KIFC2: variants seen among roughly 807,000 people sequenced by gnomAD.
The protein encoded by KIFC2 is kinesin-like protein KIFC2.
KIFC2 carries 94 observed loss-of-function variants against 91.5 expected under a neutral mutation model. The observed-to-expected ratio is 1.03, with a 90% confidence interval of 0.87 to 1.22. KIFC2 has a LOEUF of 1.22. Ranked by LOEUF, KIFC2 falls within the 50% of genes most tolerant of loss-of-function variation. KIFC2 has a pLI of 0.00. For missense variants in KIFC2, 1,357 were observed against 1,103.3 expected (o/e 1.23, Z -3.26); for synonymous variants, 729 against 503.9 (o/e 1.45, Z -5.98).
In KIFC2 at chr8:144,467,015, G is replaced by A. The variant is rs946217596; in HGVS notation, c.235G>A (p.Val79Met). Residue 79 changes from valine to methionine, a missense_variant, in exon 3 of 18, where the codon GTG (valine) becomes ATG (methionine). By Grantham distance (21) the Val-to-Met change is conservative. Transcript: ENST00000645548. ...EGAAEGRAAAVSLEEALLRLA... is the reference protein window; with the variant it reads ...EGAAEGRAAAMSLEEALLRLA... The stretch of plus-strand genomic sequence containing the variant: ...CGCAGCCGAGGGCCGCGCGGCCGCG[G>A]TGTCCCTGGAAGAGGCCCTACTGCG... The A allele has an allele frequency of 1.9e-6, 3 of 1,597,006 alleles. No individual in the cohort carries two copies. The highest frequency in any genetic ancestry group is 1.7e-5 in the Admixed American group (1 of 58,648).
chr8:144,473,406 T>C lies in KIFC2; in HGVS notation c.*17T>C. On this transcript the variant is annotated 3_prime_UTR_variant, in exon 18 of 18. Coordinates refer to ENST00000645548, the MANE Select transcript of KIFC2 (RefSeq NM_001369769.2). ...CCCCTCTAGTCCTGGGTCGCGGCCC[T>C]GCCCATGGGGTCTCAGGCCAGGTCT... 1.3e-6 allele frequency: 2 copies of C among 1,570,630 alleles called. No homozygotes were observed.
intron 8 of KIFC2, 30 bp downstream of exon 8, chr8:144,468,436 CA>C (rs1564747773): frequency 6.5e-7 from 1 of 1,530,312 alleles, no homozygotes; most frequent in Admixed American, 1.8e-5. Flanking sequence ...ATCCATGGCT[CA>C]GGGGTGAGGC....
Position 144,472,802 on chromosome 8 carries a change from G to C in KIFC2, c.1869G>C (p.Leu623=). The C allele has an allele frequency of 6.3e-7, 1 of 1,589,092 alleles. No homozygotes were observed. The highest frequency in any genetic ancestry group is 2.3e-5 in the East Asian group (1 of 44,004). ...GCTCGCTCGCCCCTCTAGGCACGCT[G>C]CACCTGGTGGACCTGGCGGGATCCG... is the stretch of plus-strand genomic sequence containing the variant. ...PPRAPGTAGT[L]HLVDLAGSER... Residue 623 remains leucine (L), a synonymous_variant, in exon 17 of 18, where the codon CTG becomes CTC. Transcript: ENST00000645548.
At chr8:144,470,998 C>T (rs889929811) in intron 12 of KIFC2, among the ~76,000 whole-genome samples, 2 of 151,978 alleles carry the variant, frequency 1.3e-5, no homozygotes, top group Admixed American at 6.6e-5. Context: ...GAATCCCACT[C>T]TGTTGCCCAG....
Position 144,474,047 on chromosome 8 carries a change from A to G in KIFC2, c.*658A>G. 1.7e-6 allele frequency: 1 copy of G among 590,490 alleles called. No individual in the cohort carries two copies. Among genetic ancestry groups the G allele is most frequent in the South Asian group, 2.2e-5 (1 of 46,030 alleles). 36.6% of individuals were successfully genotyped at this position (590,490 alleles called of 1,614,324 possible). A position where few individuals can be genotyped will look rare whatever the true frequency, so the allele number is the denominator to read the frequency against. Reference sequence around the variant, plus strand: ...GTAGGAAAAACAGGCATGACAGACCAGGGTGAGGGTTGTGCCCAGCTGGGC... The same window carrying G: ...GTAGGAAAAACAGGCATGACAGACCGGGGTGAGGGTTGTGCCCAGCTGGGC... On this transcript the variant is annotated 3_prime_UTR_variant, in exon 18 of 18. Coordinates refer to ENST00000645548, the MANE Select transcript of KIFC2 (RefSeq NM_001369769.2).
At position 144,466,851 on chromosome 8, in the gene KIFC2, T is replaced by A. The variant is rs1265436762; in HGVS notation, c.178+13T>A. ...ACCGGCCTGGCCGGTAGGTGCGGGC[T>A]GGGAGTCCCGCGGTGCGAGGGCGGT... On this transcript the variant is annotated intron_variant, in intron 2 of 17. Coordinates refer to ENST00000645548, the MANE Select transcript of KIFC2 (RefSeq NM_001369769.2). 2.0e-6 allele frequency: 3 copies of A among 1,537,014 alleles called. No homozygotes were observed. Among genetic ancestry groups the A allele is most frequent in the Non-Finnish European group, 2.6e-6 (3 of 1,148,122 alleles).
At chr8:144,469,221 C>G (rs749065695) in intron 10 of KIFC2, 50 bp from the exon 11 acceptor site, 1 of 1,469,882 alleles carries the variant, frequency 6.8e-7, no homozygotes, top group East Asian at 2.4e-5. Context: ...CCCCCACCTC[C>G]GCAGCTCCTT....
At chr8:144,471,837 T>G (rs2130013682) in intron 12 of KIFC2, 105 bp from the exon 13 acceptor site, 2 of 944,884 alleles carry the variant, frequency 2.1e-6, no homozygotes, top group African/African-American at 3.2e-5. Flanking sequence ...CCCAGGAGAC[T>G]AGGCTCTGCT....
chr8:144,471,792 A>T (rs1824935705), intron 12 of KIFC2, 150 bp from the exon 13 acceptor site: 3 of 677,696 alleles, frequency 4.4e-6, no homozygotes. Flanking sequence ...TCTCTGTAGG[A>T]CACACCCTCC....
Position 144,467,606 on chromosome 8 carries a change from G to T in KIFC2, c.591G>T (p.Arg197=). 1.9e-6 allele frequency: 3 copies of T among 1,596,928 alleles called. No homozygotes were observed. Among genetic ancestry groups the T allele is most frequent in the Non-Finnish European group, 1.7e-6 (2 of 1,171,126 alleles). ...QLEEDQRAWQ[R]LEQLILGQLE... is the part of the protein sequence containing the mutation. ...AGGAGGATCAGAGGGCGTGGCAGCG[G>T]CTGGAGCAGCTCATCCTGGGACAGG... Residue 197 remains arginine (R), a synonymous_variant, in exon 5 of 18, where the codon CGG becomes CGT. Coordinates refer to ENST00000645548, the MANE Select transcript of KIFC2 (RefSeq NM_001369769.2).
rs544338843 is a variant in KIFC2, at chr8:144,470,993, C to T, written c.1381-949C>T. Among the ~76,000 whole-genome samples the T allele has an allele frequency of 6.2e-4, 95 of 152,010 alleles. 1 individual carries two copies. Among genetic ancestry groups the T allele is most frequent in the Non-Finnish European group, 1.2e-4 (8 of 67,984 alleles). ...TTTTCTTTATTTTTGAGATGGAATC[C>T]CACTCTGTTGCCCAGGCTGTAGTGC... On this transcript the variant is annotated intron_variant, in intron 12 of 17. Transcript: ENST00000645548.
intron 11 of KIFC2, 41 bp downstream of exon 11, chr8:144,469,420 C>A (rs749393617): frequency 1.9e-6 from 3 of 1,612,188 alleles, no homozygotes; most frequent in Admixed American, 3.3e-5. Flanking sequence ...GGGAGGGCGG[C>A]TGGAAGAAGT....
At chr8:144,470,397 C>T (rs986122947) in intron 12 of KIFC2, among the ~76,000 whole-genome samples, 2 of 152,290 alleles carry the variant, frequency 1.3e-5, no homozygotes, top group South Asian at 2.1e-4. Context: ...ACAGGGTCCT[C>T]TCAGTCAATG....
intron 7 of KIFC2, 164 bp downstream of exon 7, chr8:144,468,151 C>G (rs981492262): frequency 6.5e-6 from 7 of 1,085,154 alleles, no homozygotes; most frequent in Non-Finnish European, 9.1e-6. Context: ...TCTCCGTGGC[C>G]CCTCTGAGTG....
Position 144,469,569 on chromosome 8 carries a change from C to A in KIFC2, c.1302C>A (p.Thr434=). 1 of 1,613,500 alleles carries A rather than the reference C, an allele frequency of 6.2e-7. No individual in the cohort carries two copies. Among genetic ancestry groups the A allele is most frequent in the Non-Finnish European group, 8.5e-7 (1 of 1,179,900 alleles). ...GTGTGGAGCCTGGCCCAGGGGGCAC[C>A]GTCACCACCTGCTACCGGGGGCGCC... ...LVSVEPGPGG[T]VTTCYRGRHR... Residue 434 remains threonine, a synonymous_variant, in exon 12 of 18, where the codon ACC becomes ACA. Coordinates refer to ENST00000645548, the MANE Select transcript of KIFC2 (RefSeq NM_001369769.2).
intron 7 of KIFC2, 147 bp from the exon 8 acceptor site, chr8:144,468,181 AG>A: frequency 2.0e-6 from 2 of 1,022,886 alleles, no homozygotes; most frequent in Non-Finnish European, 1.4e-6. Context: ...AGGAGAGCAG[AG>A]GGACTGTGGG....
At position 144,472,187 on chromosome 8, in the gene KIFC2, TC is replaced by T. The variant is rs1824953700; in HGVS notation, c.1537del (p.Arg513GlyfsTer11). On this transcript the variant is annotated frameshift_variant, in exon 14 of 18. Transcript: ENST00000645548. LOFTEE classifies it high-confidence loss of function. ...GTTCCTAGGGCGCTGCAGTCGCTGT[TC>T]CGGGAGATGGGGGCCGGCCGGCAGC... ...GIVPRALQSL[F>X]REMGAGRQHR... 6.2e-7 allele frequency: 1 copy of T among 1,613,100 alleles called. No individual in the cohort carries two copies. The highest frequency in any genetic ancestry group is 1.7e-5 in the Admixed American group (1 of 60,002).
intron 10 of KIFC2, among the ~76,000 whole-genome samples, 168 bp downstream of exon 10, chr8:144,469,002 C>G (rs549606658): frequency 2.2e-4 from 33 of 152,166 alleles, no homozygotes; most frequent in Non-Finnish European, 4.6e-4. Flanking sequence ...TATTTTAATT[C>G]TATGCATACT....
In KIFC2 at chr8:144,466,492, G is replaced by T; in HGVS notation, c.73G>T (p.Ala25Ser). The T allele has an allele frequency of 7.6e-7, 1 of 1,318,462 alleles. No individual in the cohort carries two copies. 81.7% of individuals were successfully genotyped at this position (1,318,462 alleles called of 1,614,324 possible). A position where few individuals can be genotyped will look rare whatever the true frequency, so the allele number is the denominator to read the frequency against. Residue 25 changes from alanine to serine, a missense_variant, in exon 1 of 18, where the codon GCC becomes TCC. Ala to Ser is a moderately conservative substitution (Grantham distance 99, BLOSUM62 1). Transcript: ENST00000645548. ...LFRRDGGAAAAAEPGDPAQRA... is the reference protein window; with the variant it reads ...LFRRDGGAAASAEPGDPAQRA... ...CCGCAGGGATGGTGGCGCCGCGGCG[G>T]CCGCGGAGCCCGGGGACCCCGCCCA... is the stretch of plus-strand genomic sequence containing the variant.
Sources: allele counts gnomAD v4.1 joint callset (sites outside exome capture counted in the v4.1 genomes callset), GRCh38; gene constraint gnomAD v4.1.1; transcripts MANE v1.5; gene names NCBI Gene and HGNC (gene_info 2026-07-23, HGNC 2026-07-21).